DOK6: variants seen among roughly 807,000 people sequenced by gnomAD.
The protein encoded by DOK6 is docking protein 6.
DOK6 carries 22 observed loss-of-function variants against 44.0 expected under a neutral mutation model. That is an observed-to-expected ratio of 0.50 (90% confidence interval 0.36 to 0.71). The LOEUF (loss-of-function observed/expected upper bound fraction) is 0.71, where lower values mean the gene tolerates loss of function less well. Ranked by LOEUF, DOK6 falls within the 30% of genes least tolerant of loss-of-function variation. The pLI is 0.00. For synonymous variants in DOK6, 166 were observed against 145.5 expected, an observed-to-expected ratio of 1.14 and a Z score of -1.01; for missense variants, 340 against 416.4, an observed-to-expected ratio of 0.82 and a Z score of 1.60.
At chr18:69,476,544 A>G (rs1980270531) in intron 1 of DOK6, among the ~76,000 whole-genome samples, 1 of 151,640 alleles carries the variant, frequency 6.6e-6, no homozygotes, top group Admixed American at 6.6e-5. Flanking sequence ...TACTCTGGAC[A>G]AGGCAGTTAA....
chr18:69,561,640 T>C (rs1982834578), intron 1 of DOK6, among the ~76,000 whole-genome samples: 1 of 151,966 alleles, frequency 6.6e-6, no homozygotes, highest in African/African-American at 2.4e-5. Flanking sequence ...TTAGGAAGTG[T>C]TTGTTAGGGA....
chr18:69,623,130 C>G (rs1434492565), intron 3 of DOK6, among the ~76,000 whole-genome samples: 2 of 152,076 alleles, frequency 1.3e-5, no homozygotes, highest in Non-Finnish European at 2.9e-5. Context: ...TAGGCCTTAC[C>G]CCTTTGCTCT....
At chr18:69,702,362 C>G (rs1159611145) in intron 5 of DOK6, among the ~76,000 whole-genome samples, 1 of 152,040 alleles carries the variant, frequency 6.6e-6, no homozygotes, top group Admixed American at 6.6e-5. Context: ...TCAAATGGTC[C>G]TAAAACATTT....
intron 6 of DOK6, among the ~76,000 whole-genome samples, chr18:69,751,294 GTTAA>G (rs1171763969): frequency 6.6e-6 from 1 of 151,486 alleles, no homozygotes; most frequent in Non-Finnish European, 1.5e-5. Flanking sequence ...TAATGGTTAT[GTTAA>G]TTAGATTGAT....
intron 4 of DOK6, among the ~76,000 whole-genome samples, chr18:69,693,312 GA>G (rs10554189): frequency 0.084 from 10,541 of 126,080 alleles, 396 homozygotes; most frequent in East Asian, 0.12. Context: ...CTTCTTTGAA[GA>G]AAAAAAAAAA....
At chr18:69,705,446 G>A (rs1270327281) in intron 5 of DOK6, among the ~76,000 whole-genome samples, 2 of 152,086 alleles carry the variant, frequency 1.3e-5, no homozygotes, top group Non-Finnish European at 2.9e-5. Flanking sequence ...ACTGTCTTTT[G>A]ATTTGAAAGG....
At chr18:69,581,381 T>C (rs976876711) in intron 2 of DOK6, among the ~76,000 whole-genome samples, 1 of 152,246 alleles carries the variant, frequency 6.6e-6, no homozygotes, top group South Asian at 2.1e-4. Flanking sequence ...TCAAAACATA[T>C]GGACGTGCTT....
chr18:69,650,452 T>C (rs1342935695), intron 3 of DOK6, among the ~76,000 whole-genome samples: 1 of 151,970 alleles, frequency 6.6e-6, no homozygotes, highest in Non-Finnish European at 1.5e-5. Flanking sequence ...AGACCCGGGG[T>C]CCTAAAAAGG....
At chr18:69,715,919 A>G (rs995819210) in intron 5 of DOK6, among the ~76,000 whole-genome samples, 1 of 152,250 alleles carries the variant, frequency 6.6e-6, no homozygotes, top group Non-Finnish European at 1.5e-5. Flanking sequence ...TGCATTCATT[A>G]TATCACTACT....
intron 7 of DOK6, among the ~76,000 whole-genome samples, chr18:69,797,205 T>C (rs769408933): frequency 5.9e-5 from 9 of 152,176 alleles, no homozygotes; most frequent in Non-Finnish European, 1.2e-4. Flanking sequence ...TGATTTTAAA[T>C]TTAATTATGT....
chr18:69,482,923 C>T (rs567713265), intron 1 of DOK6, among the ~76,000 whole-genome samples: 1 of 151,780 alleles, frequency 6.6e-6, no homozygotes, highest in South Asian at 2.1e-4. Context: ...GGTACAAATG[C>T]AGGTTTGCTA....
At chr18:69,459,582 C>G (rs1188827733) in intron 1 of DOK6, among the ~76,000 whole-genome samples, 1 of 152,166 alleles carries the variant, frequency 6.6e-6, no homozygotes, top group Non-Finnish European at 1.5e-5. Flanking sequence ...GTTTCCAGGA[C>G]TTGTGCTCAG....
chr18:69,649,470 C>T (rs1383009550), intron 3 of DOK6, among the ~76,000 whole-genome samples: 1 of 152,102 alleles, frequency 6.6e-6, no homozygotes, highest in Non-Finnish European at 1.5e-5. Context: ...CCACTCACTG[C>T]CAGGGATTTG....
intron 1 of DOK6, chr18:69,483,714 G>A (rs1269078171): frequency 6.6e-6 from 1 of 152,088 alleles, no homozygotes; most frequent in Non-Finnish European, 1.5e-5. Context: ...GATTGTGATA[G>A]TAAGTTTGCA....
chr18:69,681,484 G>A (rs1428533567), intron 4 of DOK6, among the ~76,000 whole-genome samples: 2 of 151,918 alleles, frequency 1.3e-5, no homozygotes, highest in African/African-American at 4.8e-5. Flanking sequence ...TTTTCATATC[G>A]ACCCAGAATC....
intron 1 of DOK6, among the ~76,000 whole-genome samples, chr18:69,482,015 T>C (rs1400566150): frequency 6.6e-6 from 1 of 152,254 alleles, no homozygotes; most frequent in Non-Finnish European, 1.5e-5. Flanking sequence ...GCTGCATAAA[T>C]GTCTTCTTTT....
chr18:69,401,718 CA>C (rs918691129), intron 1 of DOK6, among the ~76,000 whole-genome samples: 4 of 152,174 alleles, frequency 2.6e-5, no homozygotes, highest in African/African-American at 9.7e-5. Flanking sequence ...TGTTTAGAAT[CA>C]CCATTTTCTG....
intron 7 of DOK6, among the ~76,000 whole-genome samples, chr18:69,797,538 A>C (rs1313116899): frequency 6.6e-6 from 1 of 152,178 alleles, no homozygotes; most frequent in Non-Finnish European, 1.5e-5. Context: ...AATAATATAC[A>C]GAATAAATTT....
intron 7 of DOK6, among the ~76,000 whole-genome samples, chr18:69,759,412 TG>T (rs752399112): frequency 5.3e-5 from 8 of 152,136 alleles, no homozygotes; most frequent in Admixed American, 3.9e-4. Context: ...AATGTTTAAA[TG>T]AAAAAAACTA....
Sources: allele counts gnomAD v4.1 joint callset (sites outside exome capture counted in the v4.1 genomes callset), GRCh38; gene constraint gnomAD v4.1.1; transcripts MANE v1.5; gene names NCBI Gene and HGNC (gene_info 2026-07-23, HGNC 2026-07-21).